TRAPPC10: variants seen among roughly 807,000 people sequenced by gnomAD.
TRAPPC10 encodes trafficking protein particle complex subunit 10.
A neutral mutation model predicts 125.5 loss-of-function variants in TRAPPC10; 23 were observed. The ratio of observed to expected loss-of-function variants is 0.18; its 90% CI spans 0.13 to 0.26. TRAPPC10 has a LOEUF of 0.26. TRAPPC10 is among the 10% of genes least tolerant of loss of function. The probability of loss-of-function intolerance (pLI) is 1.00; values close to 1 mark genes in which losing one functional copy is unlikely to be tolerated. For synonymous variants in TRAPPC10, 509 were observed against 518.0 expected, an observed-to-expected ratio of 0.98 and a Z score of 0.24; for missense variants, 1,123 against 1,308.4, an observed-to-expected ratio of 0.86 and a Z score of 2.19.
chr21:44,059,367 T>C lies in TRAPPC10; in HGVS notation c.790+153T>C. On this transcript the variant is annotated intron_variant, in intron 6 of 22. Coordinates refer to ENST00000291574, the MANE Select transcript of TRAPPC10 (RefSeq NM_003274.5). The surrounding 1 kb of genome is among the most constrained non-coding windows in gnomAD (Gnocchi z 4.4). Reference sequence around the variant, plus strand: ...ATATCGGATATATTCTCGTGATTCCTAGAGGAAATGAAATGAGAATTAAGA... The same window carrying C: ...ATATCGGATATATTCTCGTGATTCCCAGAGGAAATGAAATGAGAATTAAGA... The C allele has an allele frequency of 1.4e-6, 1 of 696,674 alleles. No homozygotes were observed. The highest frequency in any genetic ancestry group is 2.7e-5 in the East Asian group (1 of 37,174). The allele number at this position is 696,674 out of a possible 1,614,324, so 43.2% of individuals were successfully genotyped here. A position where few individuals can be genotyped will look rare whatever the true frequency, so the allele number is the denominator to read the frequency against.
At position 44,038,162 on chromosome 21, in the gene TRAPPC10, A is replaced by G. The variant is rs371909372; in HGVS notation, c.285+235A>G. Among the ~76,000 whole-genome samples the G allele has an allele frequency of 2.6e-5, 4 of 152,288 alleles. No homozygotes were observed. The East Asian group carries it at 7.7e-4, about 29-fold the overall frequency. ...TAATTTTTCAAATTTACTTTTTAAC[A>G]TACTCTGTTATAGGTTGTCCCTTCA... On this transcript the variant is annotated intron_variant, in intron 3 of 22. Coordinates refer to ENST00000291574, the MANE Select transcript of TRAPPC10 (RefSeq NM_003274.5).
chr21:44,033,280 A>G (rs2033731969), intron 2 of TRAPPC10, among the ~76,000 whole-genome samples: 1 of 152,204 alleles, frequency 6.6e-6, no homozygotes. Flanking sequence ...CCTTAGTAAC[A>G]TGAGGGATTA....
At chr21:44,072,620 C>G (rs1457447815) in intron 7 of TRAPPC10, among the ~76,000 whole-genome samples, 1 of 152,160 alleles carries the variant, frequency 6.6e-6, no homozygotes, top group Non-Finnish European at 1.5e-5. Context: ...CATGCCACCA[C>G]ACCCGGCTAA....
At chr21:44,090,590 C>T (rs529856603) in intron 18 of TRAPPC10, among the ~76,000 whole-genome samples, 6 of 152,298 alleles carry the variant, frequency 3.9e-5, no homozygotes, top group African/African-American at 1.4e-4. Context: ...GAGTAGACTC[C>T]AGTTCTGCTT....
chr21:44,030,908 C>T (rs2033522048), intron 1 of TRAPPC10, among the ~76,000 whole-genome samples: 1 of 152,204 alleles, frequency 6.6e-6, no homozygotes, highest in Non-Finnish European at 1.5e-5. Context: ...TTGGAAGTGA[C>T]TGACGTGTCT....
chr21:44,074,571 G>C (rs1448410235), intron 8 of TRAPPC10, 101 bp downstream of exon 8: 2 of 1,484,844 alleles, frequency 1.3e-6, no homozygotes, highest in African/African-American at 1.4e-5. Context: ...TGCTCATTTA[G>C]ATCACGATGC....
intron 7 of TRAPPC10, among the ~76,000 whole-genome samples, chr21:44,071,477 G>A (rs528096787): frequency 2.0e-5 from 3 of 152,266 alleles, no homozygotes; most frequent in East Asian, 1.9e-4. Context: ...GGAAGGTCTC[G>A]CTGCTGTGGA....
At chr21:44,071,783 G>A (rs1329174526) in intron 7 of TRAPPC10, among the ~76,000 whole-genome samples, 2 of 152,242 alleles carry the variant, frequency 1.3e-5, no homozygotes, top group Non-Finnish European at 2.9e-5. Flanking sequence ...AGAGCATGGA[G>A]CCGGTGAGAA....
chr21:44,051,467 A>C (rs2035228574), intron 3 of TRAPPC10, among the ~76,000 whole-genome samples: 1 of 152,150 alleles, frequency 6.6e-6, no homozygotes, highest in Non-Finnish European at 1.5e-5. Context: ...GGATTTATGG[A>C]ATAGAAGCGC....
rs768901958 is a variant in TRAPPC10, at chr21:44,089,948, GC to G, written c.2870+16del. The G allele has an allele frequency of 4.4e-6, 7 of 1,599,620 alleles. No individual in the cohort carries two copies. The highest frequency in any genetic ancestry group is 3.3e-4 in the Middle Eastern group (2 of 6,034). Reference sequence around the variant, plus strand: ...TCAGGAACACGGTAACGGAGGCGTAGCGTGCGGGCCCTGGCTTCTTTCCCCA... The same window carrying G: ...TCAGGAACACGGTAACGGAGGCGTAGGTGCGGGCCCTGGCTTCTTTCCCCA... On this transcript the variant is annotated intron_variant, in intron 18 of 22. Transcript: ENST00000291574.
intron 12 of TRAPPC10, 87 bp from the exon 13 acceptor site, chr21:44,079,928 C>T: frequency 8.0e-7 from 1 of 1,255,890 alleles, no homozygotes; most frequent in Non-Finnish European, 1.1e-6. Context: ...TTTGAAGCCT[C>T]TGTGAAGGCC....
Position 44,083,282 on chromosome 21 carries a change from C to G in TRAPPC10, c.2218C>G (p.Gln740Glu), listed in dbSNP as rs766354564. ...SHVTLEPGANQITFRTQAKEP... is the reference protein window; with the variant it reads ...SHVTLEPGANEITFRTQAKEP... ...CGTGACCCTGGAACCAGGGGCCAACCAGATAACATTCAGGACTCAGGTATG... is the reference window on the plus strand; with the variant it reads ...CGTGACCCTGGAACCAGGGGCCAACGAGATAACATTCAGGACTCAGGTATG... The change falls in exon 14 of 23, where the codon CAG (glutamine) becomes GAG (glutamate). Residue 740 changes from glutamine to glutamate, a missense_variant. Transcript: ENST00000291574. 3.1e-6 allele frequency: 5 copies of G among 1,613,748 alleles called. No homozygotes were observed. In the Admixed American group the frequency reaches 8.3e-5, roughly 27 times the overall value.
intron 13 of TRAPPC10, 123 bp downstream of exon 13, chr21:44,080,250 TG>T (rs750545844): frequency 4.9e-6 from 4 of 824,178 alleles, no homozygotes; most frequent in Non-Finnish European, 7.7e-6. Flanking sequence ...GTAGCTGACA[TG>T]TATCTATGTC....
At chr21:44,032,625 G>A (rs187552102) in intron 2 of TRAPPC10, among the ~76,000 whole-genome samples, 4 of 152,218 alleles carry the variant, frequency 2.6e-5, no homozygotes, top group East Asian at 1.9e-4. Flanking sequence ...CAACTGACCC[G>A]CCCTCCTCGG....
intron 3 of TRAPPC10, among the ~76,000 whole-genome samples, chr21:44,050,361 C>A (rs549108324): frequency 6.6e-6 from 1 of 151,438 alleles, no homozygotes; most frequent in Non-Finnish European, 1.5e-5. Context: ...GCAGCCCCTG[C>A]CCGGTGTGGA....
At chr21:44,030,106 C>A (rs990679007) in intron 1 of TRAPPC10, among the ~76,000 whole-genome samples, 1 of 152,224 alleles carries the variant, frequency 6.6e-6, no homozygotes, top group African/African-American at 2.4e-5. Context: ...ACGAGTCTTA[C>A]TGTACGGCAG....
At chr21:44,030,752 G>A (rs1308185929) in intron 1 of TRAPPC10, among the ~76,000 whole-genome samples, 1 of 152,212 alleles carries the variant, frequency 6.6e-6, no homozygotes, top group African/African-American at 2.4e-5. Flanking sequence ...ACAGGTGTGA[G>A]CCATCACGCC....
Position 44,025,459 on chromosome 21 carries a change from A to G in TRAPPC10, c.68-6632A>G, listed in dbSNP as rs539273210. ...TTATTTAAAAAATGTATACACTGTT[A>G]AAGGCTGATTCCTCAGTATTCTTAT... is the stretch of plus-strand genomic sequence containing the variant. On this transcript the variant is annotated intron_variant, in intron 1 of 22. Coordinates refer to ENST00000291574, the MANE Select transcript of TRAPPC10 (RefSeq NM_003274.5). 3.3e-5 allele frequency among the ~76,000 whole-genome samples: 5 copies of G among 152,352 alleles called. No individual in the cohort carries two copies. The East Asian group carries it at 9.6e-4, about 29-fold the overall frequency.
chr21:44,092,038 C>T lies in TRAPPC10; in HGVS notation c.2986C>T (p.Gln996Ter). The change falls in exon 19 of 23, where the codon CAG becomes TAG. Residue 996 changes from glutamine (Q) to a stop codon, truncating the protein, a stop_gained. Coordinates refer to ENST00000291574, the MANE Select transcript of TRAPPC10 (RefSeq NM_003274.5). LOFTEE classifies it high-confidence loss of function. ...TDLQLVPLNT[Q>*]SQQPIYSKQS... ...CCTGCAACTAGTACCACTGAACACG[C>T]AGTCCCAGCAGGTAAACATTGTGTA... 6.2e-7 allele frequency: 1 copy of T among 1,614,062 alleles called. No homozygotes were observed. Among genetic ancestry groups the T allele is most frequent in the Non-Finnish European group, 8.5e-7 (1 of 1,179,978 alleles).
Sources: allele counts gnomAD v4.1 joint callset (sites outside exome capture counted in the v4.1 genomes callset), GRCh38; gene constraint gnomAD v4.1.1; non-coding constraint Gnocchi (gnomAD v3.1); transcripts MANE v1.5; gene names NCBI Gene and HGNC (gene_info 2026-07-23, HGNC 2026-07-21).